The following GNA14 variants were observed in gnomAD, a reference collection of about 807,000 sequenced individuals.
GNA14 encodes the protein guanine nucleotide-binding protein subunit alpha-14.
In GNA14, 50 loss-of-function variants were observed where a neutral mutation model predicts 42.0. The observed-to-expected ratio is 1.19, with a 90% CI of 0.95 to 1.51. The LOEUF (loss-of-function observed/expected upper bound fraction) is 1.51, where lower values mean the gene tolerates loss of function less well. GNA14 is among the 40% of genes most tolerant of loss of function. The pLI, the probability that GNA14 is intolerant of heterozygous loss-of-function variation, is 0.00. For missense variants in GNA14, 473 were observed against 446.2 expected (o/e 1.06, Z -0.54); for synonymous variants, 173 against 163.1 (o/e 1.06, Z -0.46).
chr9:77,446,161 G>A (rs2131700346), intron 2 of GNA14, among the ~76,000 whole-genome samples: 1 of 152,316 alleles, frequency 6.6e-6, no homozygotes, highest in African/African-American at 2.4e-5. Flanking sequence ...CCACAGAGAA[G>A]TAACAAATGC....
At chr9:77,471,952 C>A (rs1836338032) in intron 2 of GNA14, among the ~76,000 whole-genome samples, 2 of 152,096 alleles carry the variant, frequency 1.3e-5, no homozygotes, top group Admixed American at 1.3e-4. Flanking sequence ...AAGAAGCAGC[C>A]TATTGGGGTT....
At chr9:77,548,663 C>A (rs564826169) in intron 1 of GNA14, among the ~76,000 whole-genome samples, 1 of 152,188 alleles carries the variant, frequency 6.6e-6, no homozygotes. Context: ...TTGTCTTACC[C>A]GCCATCCAGT....
At chr9:77,494,087 AT>A (rs935730046) in intron 2 of GNA14, among the ~76,000 whole-genome samples, 11 of 151,772 alleles carry the variant, frequency 7.2e-5, no homozygotes, top group African/African-American at 1.5e-4. Context: ...TGCCCGGCTA[AT>A]TTTTTTTAAT....
intron 1 of GNA14, among the ~76,000 whole-genome samples, chr9:77,639,534 C>T (rs551915466): frequency 6.6e-6 from 1 of 152,324 alleles, no homozygotes; most frequent in Admixed American, 6.5e-5. Context: ...TGAGCACAAT[C>T]AGACAGATGG....
chr9:77,488,555 C>G (rs1435310598), intron 2 of GNA14, among the ~76,000 whole-genome samples: 1 of 152,084 alleles, frequency 6.6e-6, no homozygotes, highest in Non-Finnish European at 1.5e-5. Context: ...GTAGGAGGTA[C>G]ATTCCACAGG....
intron 1 of GNA14, among the ~76,000 whole-genome samples, chr9:77,585,669 C>A (rs769292857): frequency 2.6e-5 from 4 of 152,172 alleles, no homozygotes; most frequent in Non-Finnish European, 4.4e-5. Flanking sequence ...AATTCCTCAC[C>A]TAAAGTGTGG....
chr9:77,437,510 C>A (rs929875230), intron 2 of GNA14, among the ~76,000 whole-genome samples: 1 of 150,578 alleles, frequency 6.6e-6, no homozygotes, highest in African/African-American at 2.5e-5. Flanking sequence ...TACTGCACAC[C>A]AGCATGGGCA....
chr9:77,580,868 T>C (rs1159514671), intron 1 of GNA14, among the ~76,000 whole-genome samples: 1 of 152,138 alleles, frequency 6.6e-6, no homozygotes, highest in Non-Finnish European at 1.5e-5. Context: ...TGCATGCAAG[T>C]AATACAAAAG....
rs567371586 is a variant in GNA14 at position 77,580,273 on chromosome 9, C to T, written c.125-51020G>A. 14 of 299,624 alleles carry T rather than the reference C, an allele frequency of 4.7e-5. No homozygotes were observed. The East Asian group carries it at 1.1e-3, about 23-fold the overall frequency. 18.6% of individuals were successfully genotyped at this position (299,624 alleles called of 1,614,324 possible). A position where few individuals can be genotyped will look rare whatever the true frequency, so the allele number is the denominator to read the frequency against. ...GGAGATAAGCTGATTTGGAAGCAAA[C>T]TGAATCCAGCTTCATTCAACATTAC... On this transcript the variant is annotated intron_variant, in intron 1 of 6. Transcript: ENST00000341700.
intron 2 of GNA14, among the ~76,000 whole-genome samples, chr9:77,519,880 T>C (rs1007353402): frequency 3.3e-5 from 5 of 152,004 alleles, no homozygotes; most frequent in South Asian, 2.1e-4. Context: ...CATGGTGGTA[T>C]ATGCCTGTAA....
At position 77,520,509 on chromosome 9, in the gene GNA14, G is replaced by A. The variant is rs140210053; in HGVS notation, c.309+8560C>T. ...TTCACAAAAGACGTGAATTATGAGA[G>A]TGTTTCAAATGTTCCCCTTTATATT... On this transcript the variant is annotated intron_variant, in intron 2 of 6. Coordinates refer to ENST00000341700, the MANE Select transcript of GNA14 (RefSeq NM_004297.4). Among the ~76,000 whole-genome samples the A allele has an allele frequency of 1.1e-3, 174 of 152,290 alleles. 2 individuals carry two copies. Among genetic ancestry groups the A allele is most frequent in the African/African-American group, 4.0e-3 (165 of 41,548 alleles).
chr9:77,557,483 C>G (rs919281495), intron 1 of GNA14, among the ~76,000 whole-genome samples: 1 of 152,180 alleles, frequency 6.6e-6, no homozygotes, highest in African/African-American at 2.4e-5. Flanking sequence ...ATTCTGATTA[C>G]TCGAACAATA....
chr9:77,557,029 T>C (rs895658174), intron 1 of GNA14, among the ~76,000 whole-genome samples: 2 of 152,178 alleles, frequency 1.3e-5, no homozygotes, highest in African/African-American at 4.8e-5. Flanking sequence ...TAAGAAGAAA[T>C]CATTCTCAGC....
intron 1 of GNA14, among the ~76,000 whole-genome samples, chr9:77,612,037 C>A (rs1262849716): frequency 6.6e-6 from 1 of 151,956 alleles, no homozygotes; most frequent in South Asian, 2.1e-4. Context: ...CTAATAATAA[C>A]AATATTGATA....
intron 1 of GNA14, among the ~76,000 whole-genome samples, chr9:77,607,317 A>G (rs1442929903): frequency 6.6e-6 from 1 of 152,200 alleles, no homozygotes; most frequent in Non-Finnish European, 1.5e-5. Flanking sequence ...AAGAAATCAG[A>G]ATAAGTGATT....
intron 1 of GNA14, among the ~76,000 whole-genome samples, chr9:77,529,717 A>C (rs952892657): frequency 3.9e-5 from 6 of 152,202 alleles, no homozygotes; most frequent in Non-Finnish European, 7.3e-5. Context: ...CAGAGGTGCC[A>C]AATGTCTATG....
At chr9:77,519,166 T>C (rs1364250656) in intron 2 of GNA14, among the ~76,000 whole-genome samples, 1 of 152,124 alleles carries the variant, frequency 6.6e-6, no homozygotes, top group Non-Finnish European at 1.5e-5. Context: ...ATCTCAACAT[T>C]ATGGGAGGCC....
intron 1 of GNA14, among the ~76,000 whole-genome samples, chr9:77,611,715 A>C (rs1823737138): frequency 6.6e-6 from 1 of 152,200 alleles, no homozygotes. Context: ...AAGCAAAGCC[A>C]AGGCAATGAA....
At chr9:77,640,808 G>A (rs1824244605) in intron 1 of GNA14, among the ~76,000 whole-genome samples, 1 of 143,114 alleles carries the variant, frequency 7.0e-6, no homozygotes, top group Non-Finnish European at 1.5e-5. Context: ...TTCTTCCCCA[G>A]CTGGGGAAGA....
Sources: gnomAD v4.1 joint callset for allele counts (sites outside exome capture counted in the v4.1 genomes callset) on GRCh38, gnomAD v4.1.1 for gene constraint, MANE v1.5 for transcripts, NCBI Gene and HGNC (gene_info 2026-07-23, HGNC 2026-07-21) for gene names.